Variants in GDPD5 observed in about 807,000 individuals in gnomAD.
The protein encoded by GDPD5 is glycerophosphodiester phosphodiesterase domain containing 5.
Under a neutral mutation model 75.1 loss-of-function variants are expected in GDPD5, and 48 were observed. The observed-to-expected ratio is 0.64, with a 90% CI of 0.51 to 0.81. The LOEUF is 0.81. GDPD5 is among the 40% of genes least tolerant of loss of function. The pLI is 0.00. For missense variants in GDPD5, 706 were observed against 822.6 expected (o/e 0.86, Z 1.73); for synonymous variants, 336 against 339.0 (o/e 0.99, Z 0.10).
chr11:75,466,694 A>G (rs1266371836), intron 3 of GDPD5, among the ~76,000 whole-genome samples: 2 of 152,206 alleles, frequency 1.3e-5, no homozygotes, highest in African/African-American at 4.8e-5. Flanking sequence ...ACTGCCCCCT[A>G]AGAAGTGCCA....
Position 75,449,117 on chromosome 11 carries a change from G to A in GDPD5, c.574C>T (p.Gln192Ter). 6.3e-7 allele frequency: 1 copy of A among 1,583,684 alleles called. No individual in the cohort carries two copies. The highest frequency in any genetic ancestry group is 8.6e-7 in the Non-Finnish European group (1 of 1,165,170). Residue 192 changes from glutamine to a stop codon, truncating the protein, a stop_gained, in exon 9 of 17, where the codon CAG becomes TAG. Coordinates refer to ENST00000336898, the MANE Select transcript of GDPD5 (RefSeq NM_030792.8). LOFTEE classifies it high-confidence loss of function. ...QFARAERTSS[Q>*]VTILCTFFTV... ...AAGAAGGTACAGAGAATGGTCACCTGGGAGGCTGCAGATAAGGGGCCGTGA... is the reference window on the plus strand; with the variant it reads ...AAGAAGGTACAGAGAATGGTCACCTAGGAGGCTGCAGATAAGGGGCCGTGA...
intron 1 of GDPD5, among the ~76,000 whole-genome samples, chr11:75,501,416 G>T (rs926851096): frequency 6.6e-6 from 1 of 152,338 alleles, no homozygotes; most frequent in African/African-American, 2.4e-5. Context: ...TGACATGAGT[G>T]GGCACACTGG....
intron 1 of GDPD5, among the ~76,000 whole-genome samples, chr11:75,501,380 G>A (rs1306348307): frequency 1.3e-5 from 2 of 152,194 alleles, no homozygotes; most frequent in African/African-American, 2.4e-5. Context: ...AAAGACATAG[G>A]GCACATATTC....
intron 1 of GDPD5, among the ~76,000 whole-genome samples, chr11:75,506,408 C>T (rs1950400485): frequency 6.6e-6 from 1 of 152,136 alleles, no homozygotes; most frequent in South Asian, 2.1e-4. Flanking sequence ...GTGGCTGCCC[C>T]TCCACCTAGG....
intron 6 of GDPD5, chr11:75,455,158 C>T (rs1036308463): frequency 1.4e-5 from 5 of 352,948 alleles, no homozygotes; most frequent in Non-Finnish European, 2.3e-5. Context: ...GCTGGCTCAG[C>T]GGCTCTATAG....
intron 2 of GDPD5, among the ~76,000 whole-genome samples, chr11:75,482,620 C>T (rs1054872035): frequency 6.6e-6 from 1 of 152,206 alleles, no homozygotes; most frequent in Non-Finnish European, 1.5e-5. Context: ...CCCTCCAATC[C>T]AAACTCTTAC....
At chr11:75,501,310 G>C (rs367984481) in intron 1 of GDPD5, among the ~76,000 whole-genome samples, 2 of 152,344 alleles carry the variant, frequency 1.3e-5, no homozygotes. Flanking sequence ...GGCCCTGAGA[G>C]AGCCTAAGAG....
intron 14 of GDPD5, among the ~76,000 whole-genome samples, chr11:75,440,849 G>A (rs982010115): frequency 2.6e-5 from 4 of 152,136 alleles, no homozygotes; most frequent in African/African-American, 9.7e-5. Flanking sequence ...TGAGCCCCAC[G>A]CCCGGTCAAT....
chr11:75,502,637 C>G (rs528972280), intron 1 of GDPD5, among the ~76,000 whole-genome samples: 52 of 152,320 alleles, frequency 3.4e-4, no homozygotes, highest in African/African-American at 1.2e-3. Context: ...TCTGTCCCCC[C>G]ACTTGAATCT....
rs180706239 is a variant in GDPD5 at position 75,512,816 on chromosome 11, G to A, written c.-145+12394C>T. On this transcript the variant is annotated intron_variant, in intron 1 of 16. Transcript: ENST00000336898. ...TGTAATCCCAGCTATGTGGGAGGCC[G>A]AGGCAGGAGAATCACTTGAACCTGG... is the stretch of plus-strand genomic sequence containing the variant. 5.6e-4 allele frequency among the ~76,000 whole-genome samples: 85 copies of A among 152,288 alleles called. 1 individual carries two copies. The highest frequency in any genetic ancestry group is 4.7e-3 in the Admixed American group (72 of 15,298).
chr11:75,517,081 A>C (rs769667371), intron 1 of GDPD5, among the ~76,000 whole-genome samples: 4 of 152,158 alleles, frequency 2.6e-5, no homozygotes, highest in African/African-American at 7.2e-5. Flanking sequence ...CAGAGGATTG[A>C]GGTCTGTGGT....
At chr11:75,441,569 T>TGG in intron 13 of GDPD5, 77 bp downstream of exon 13, 4 of 1,189,992 alleles carry the variant, frequency 3.4e-6, no homozygotes, top group Non-Finnish European at 4.7e-6. Context: ...TGTGTGTGTG[T>TGG]TGGGGGGTGG....
intron 12 of GDPD5, 35 bp downstream of exon 12, chr11:75,442,328 G>A (rs1350811322): frequency 1.3e-6 from 2 of 1,489,118 alleles, no homozygotes; most frequent in Non-Finnish European, 1.8e-6. Context: ...CCAGGCCAGG[G>A]CTCCCGGGGG....
intron 3 of GDPD5, among the ~76,000 whole-genome samples, chr11:75,464,520 T>G (rs1949478139): frequency 6.6e-6 from 1 of 152,154 alleles, no homozygotes; most frequent in South Asian, 2.1e-4. Flanking sequence ...TGGGTGACCC[T>G]CCTGTCCCAG....
chr11:75,439,183 A>G (rs1161770837), intron 15 of GDPD5, among the ~76,000 whole-genome samples: 1 of 152,146 alleles, frequency 6.6e-6, no homozygotes, highest in Admixed American at 6.5e-5. Context: ...AGAAAAGAGG[A>G]TTGCGGGGGT....
chr11:75,520,956 C>T (rs980092422), intron 1 of GDPD5, among the ~76,000 whole-genome samples: 1 of 152,260 alleles, frequency 6.6e-6, no homozygotes, highest in African/African-American at 2.4e-5. Context: ...TTGGGCGAGG[C>T]AGCTACCCAC....
Position 75,518,904 on chromosome 11 carries a change from A to C in GDPD5, c.-145+6306T>G, listed in dbSNP as rs1390043822. Among the ~76,000 whole-genome samples the C allele has an allele frequency of 3.9e-5, 6 of 152,160 alleles. No individual in the cohort carries two copies. The East Asian group carries it at 1.2e-3, about 29-fold the overall frequency. The stretch of plus-strand genomic sequence containing the variant: ...TTTTTTAAAGAGTCCACTCGTTCAA[A>C]AGCTAAACAGCTGCAGGATTAACGC... On this transcript the variant is annotated intron_variant, in intron 1 of 16. Coordinates refer to ENST00000336898, the MANE Select transcript of GDPD5 (RefSeq NM_030792.8).
At chr11:75,453,486 C>T (rs1949216006) in intron 6 of GDPD5, among the ~76,000 whole-genome samples, 1 of 151,942 alleles carries the variant, frequency 6.6e-6, no homozygotes. Context: ...GGGCTGGTGG[C>T]CGGTGCCTGT....
chr11:75,506,076 C>A (rs554356473), intron 1 of GDPD5, among the ~76,000 whole-genome samples: 3 of 152,310 alleles, frequency 2.0e-5, no homozygotes, highest in Admixed American at 1.3e-4. Context: ...AAGGACCCTT[C>A]CCAGAGCCCC....
Sources: allele counts gnomAD v4.1 joint callset (sites outside exome capture counted in the v4.1 genomes callset), GRCh38; gene constraint gnomAD v4.1.1; transcripts MANE v1.5; gene names NCBI Gene and HGNC (gene_info 2026-07-23, HGNC 2026-07-21).